Variants in TESMIN observed in about 807,000 individuals in gnomAD.
The protein encoded by TESMIN is CXC domain containing 2.
A neutral mutation model predicts 47.4 loss-of-function variants in TESMIN; 34 were observed. The ratio of observed to expected loss-of-function variants is 0.72; its 90% CI spans 0.55 to 0.96. TESMIN has a LOEUF of 0.96. TESMIN is among the 40% of genes least tolerant of loss of function. The pLI, the probability that TESMIN is intolerant of heterozygous loss-of-function variation, is 0.00. For missense variants in TESMIN, 610 were observed against 637.2 expected, an observed-to-expected ratio of 0.96 and a Z score of 0.46; for synonymous variants, 278 against 258.9, an observed-to-expected ratio of 1.07 and a Z score of -0.71.
At chr11:68,727,276 C>G (rs996391273) in intron 6 of TESMIN, among the ~76,000 whole-genome samples, 1 of 152,058 alleles carries the variant, frequency 6.6e-6, no homozygotes, top group Non-Finnish European at 1.5e-5. Context: ...ACCCATCCTA[C>G]TAAAAATACA....
chr11:68,717,919 A>T (rs1390109528), intron 6 of TESMIN, among the ~76,000 whole-genome samples: 1 of 152,212 alleles, frequency 6.6e-6, no homozygotes, highest in East Asian at 1.9e-4. Context: ...TCTTCTACTC[A>T]GCTTCTAGCA....
At chr11:68,718,909 A>C (rs2153991033) in intron 6 of TESMIN, among the ~76,000 whole-genome samples, 1 of 152,350 alleles carries the variant, frequency 6.6e-6, no homozygotes, top group Non-Finnish European at 1.5e-5. Flanking sequence ...ATAGACTAAG[A>C]CATTTTTAGA....
intron 5 of TESMIN, among the ~76,000 whole-genome samples, chr11:68,739,075 C>T (rs970430414): frequency 2.0e-5 from 3 of 152,178 alleles, no homozygotes; most frequent in African/African-American, 7.2e-5. Context: ...TGTCACTCAG[C>T]TGGCCAGGGG....
intron 4 of TESMIN, among the ~76,000 whole-genome samples, chr11:68,743,236 T>A (rs1446312459): frequency 4.3e-4 from 58 of 136,090 alleles, no homozygotes; most frequent in Non-Finnish European, 9.3e-5. Context: ...AGGAACTACT[T>A]TTTTTTTTTT....
intron 6 of TESMIN, chr11:68,736,968 G>A: frequency 2.0e-6 from 2 of 985,462 alleles, no homozygotes; most frequent in Non-Finnish European, 2.4e-6. Flanking sequence ...GCAACTGGGA[G>A]AGCACGCAAT....
intron 2 of TESMIN, among the ~76,000 whole-genome samples, chr11:68,748,984 C>T (rs183326704): frequency 7.2e-5 from 11 of 152,202 alleles, no homozygotes; most frequent in East Asian, 3.9e-4. Context: ...TACAGGTGTG[C>T]GCCACCACAC....
intron 6 of TESMIN, among the ~76,000 whole-genome samples, chr11:68,721,396 G>A (rs1355611139): frequency 6.6e-6 from 1 of 152,014 alleles, no homozygotes; most frequent in Non-Finnish European, 1.5e-5. Flanking sequence ...CCTCCTCAGG[G>A]AAGCCTTCCC....
intron 6 of TESMIN, among the ~76,000 whole-genome samples, chr11:68,735,407 C>T (rs1946375909): frequency 6.6e-6 from 1 of 152,204 alleles, no homozygotes; most frequent in African/African-American, 2.4e-5. Flanking sequence ...CCCACTGTAA[C>T]TGTGGAGGGA....
chr11:68,723,805 TA>T (rs1433119846), intron 6 of TESMIN, among the ~76,000 whole-genome samples: 1 of 151,996 alleles, frequency 6.6e-6, no homozygotes, highest in Non-Finnish European at 1.5e-5. Context: ...AAGAAAAATA[TA>T]AAATATCAAA....
At chr11:68,706,027 A>T (rs1278888767), downstream of TESMIN, among the ~76,000 whole-genome samples, 1 of 151,346 alleles carries the variant, frequency 6.6e-6, no homozygotes, top group Admixed American at 6.6e-5. Flanking sequence ...CGTCTCAAAA[A>T]AAAAAAAAAA....
At chr11:68,717,222 T>C (rs993160888) in intron 6 of TESMIN, among the ~76,000 whole-genome samples, 53 of 152,334 alleles carry the variant, frequency 3.5e-4, no homozygotes, top group African/African-American at 1.1e-3. Flanking sequence ...AAGAGGATCA[T>C]TAGAGGCCAA....
At chr11:68,745,146 G>T (rs1346324158) in intron 3 of TESMIN, 35 bp from the exon 4 acceptor site, 1 of 1,564,276 alleles carries the variant, frequency 6.4e-7, no homozygotes, top group Admixed American at 2.2e-5. Context: ...TTTCATTTTT[G>T]AAACATAATT....
chr11:68,708,374 T>C lies in TESMIN; in HGVS notation c.1461A>G (p.Glu487=), dbSNP rs2153990456. 6.2e-7 allele frequency: 1 copy of C among 1,613,950 alleles called. No individual in the cohort carries two copies. Among genetic ancestry groups the C allele is most frequent in the Non-Finnish European group, 8.5e-7 (1 of 1,179,946 alleles). ...GAATCTGTGATAAGCACCTTCCAAATTCCTCCAGGATCATCTGCTCTGCCA... is the reference window on the plus strand; with the variant it reads ...GAATCTGTGATAAGCACCTTCCAAACTCCTCCAGGATCATCTGCTCTGCCA... The part of the protein sequence containing the change: ...KCLAEQMILE[E]FGRCLSQILH... The change falls in exon 10 of 10, where the codon GAA becomes GAG. Residue 487 remains glutamate, a synonymous_variant. Coordinates refer to ENST00000255087, the MANE Select transcript of TESMIN (RefSeq NM_004923.3).
chr11:68,746,796 A>G (rs1199660671), intron 3 of TESMIN, among the ~76,000 whole-genome samples: 1 of 152,196 alleles, frequency 6.6e-6, no homozygotes, highest in Non-Finnish European at 1.5e-5. Flanking sequence ...GTGACTGATT[A>G]CGTACCCTAT....
At chr11:68,747,454 A>G in intron 2 of TESMIN, 88 bp from the exon 3 acceptor site, 2 of 1,200,180 alleles carry the variant, frequency 1.7e-6, no homozygotes, top group Non-Finnish European at 1.2e-6. Flanking sequence ...AATCTCAGTG[A>G]TAAGTAGAAG....
At chr11:68,712,551 G>T (rs771992006) in intron 8 of TESMIN, among the ~76,000 whole-genome samples, 64 of 152,210 alleles carry the variant, frequency 4.2e-4, no homozygotes, top group Non-Finnish European at 1.8e-4. Context: ...AGGGCCTAAG[G>T]GTTCCCTCAC....
At chr11:68,742,870 T>A (rs1946473888) in intron 4 of TESMIN, among the ~76,000 whole-genome samples, 1 of 148,672 alleles carries the variant, frequency 6.7e-6, no homozygotes, top group South Asian at 2.1e-4. Context: ...TATGTTTTCT[T>A]TTTTTTTTTT....
At chr11:68,748,960 C>T (rs1431956289) in intron 2 of TESMIN, among the ~76,000 whole-genome samples, 8 of 152,116 alleles carry the variant, frequency 5.3e-5, no homozygotes, top group Admixed American at 2.0e-4. Context: ...CTCAGCCTCC[C>T]GAGTAGCTGG....
Position 68,717,026 on chromosome 11 carries a change from G to A in TESMIN, c.918-1087C>T, listed in dbSNP as rs531124584. On this transcript the variant is annotated intron_variant, in intron 6 of 9. Coordinates refer to ENST00000255087, the MANE Select transcript of TESMIN (RefSeq NM_004923.3). Reference sequence around the variant, plus strand: ...GTGCTCAGCCTCCCAGTCCCAAAGCGCTGCTGAGGGAAACCCTGGGCGTGT... The same window carrying A: ...GTGCTCAGCCTCCCAGTCCCAAAGCACTGCTGAGGGAAACCCTGGGCGTGT... Among the ~76,000 whole-genome samples, 9 of 152,328 alleles carry A rather than the reference G, an allele frequency of 5.9e-5. No individual in the cohort carries two copies. In the South Asian group the frequency reaches 1.9e-3, roughly 32 times the overall value.
Sources: gnomAD v4.1 joint callset for allele counts (sites outside exome capture counted in the v4.1 genomes callset) on GRCh38, gnomAD v4.1.1 for gene constraint, MANE v1.5 for transcripts, NCBI Gene and HGNC (gene_info 2026-07-23, HGNC 2026-07-21) for gene names.